KIAA1549L: variants seen among roughly 807,000 people sequenced by gnomAD.
KIAA1549L encodes KIAA1549 like, also known as UPF0606 protein KIAA1549L.
A neutral mutation model predicts 160.7 loss-of-function variants in KIAA1549L; 88 were observed. The ratio of observed to expected loss-of-function variants is 0.55; its 90% CI spans 0.46 to 0.65. The LOEUF is 0.65. Among genes scored for constraint, KIAA1549L ranks in the 30% least tolerant of loss-of-function variants. The pLI, the probability that KIAA1549L is intolerant of heterozygous loss-of-function variation, is 0.00. For missense variants in KIAA1549L, 2,258 were observed against 2,437.5 expected (o/e 0.93, Z 1.55); for synonymous variants, 950 against 976.7 (o/e 0.97, Z 0.51).
intron 1 of KIAA1549L, among the ~76,000 whole-genome samples, chr11:33,454,070 T>C (rs1217134599): frequency 6.6e-6 from 1 of 152,190 alleles, no homozygotes; most frequent in African/African-American, 2.4e-5. Flanking sequence ...AAGCATGCGA[T>C]CCCTTTCAGC....
intron 1 of KIAA1549L, among the ~76,000 whole-genome samples, chr11:33,457,957 C>T (rs1161496548): frequency 6.6e-6 from 1 of 152,188 alleles, no homozygotes; most frequent in Non-Finnish European, 1.5e-5. Flanking sequence ...GCTCTGGATA[C>T]CCAGGACCCG....
chr11:33,411,818 A>G (rs570572079), intron 1 of KIAA1549L, among the ~76,000 whole-genome samples: 1 of 152,324 alleles, frequency 6.6e-6, no homozygotes, highest in South Asian at 2.1e-4. Flanking sequence ...TATTTCAAGT[A>G]TCACTGAGAA....
Position 33,543,443 on chromosome 11 carries a change from C to G in KIAA1549L, c.1880C>G (p.Pro627Arg). 1 of 1,614,050 alleles carries G rather than the reference C, an allele frequency of 6.2e-7. No individual in the cohort carries two copies. The highest frequency in any genetic ancestry group is 2.2e-5 in the East Asian group (1 of 44,884). ...TNPLPSGPPLPSILSIQATQT... is the reference protein window; with the variant it reads ...TNPLPSGPPLRSILSIQATQT... Reference sequence around the variant, plus strand: ...CCCCTTCCTTCAGGACCACCTCTACCTTCCATACTCTCCATACAAGCCACC... The same window carrying G: ...CCCCTTCCTTCAGGACCACCTCTACGTTCCATACTCTCCATACAAGCCACC... The change falls in exon 2 of 21, where the codon CCT becomes CGT. Residue 627 changes from proline (P) to arginine (R), a missense_variant. Physicochemically the swap from Pro to Arg is moderately radical, Grantham distance 103. Coordinates refer to ENST00000658780, the MANE Select transcript of KIAA1549L (RefSeq NM_012194.3).
At chr11:33,563,384 G>A (rs1854939429) in intron 8 of KIAA1549L, among the ~76,000 whole-genome samples, 1 of 151,348 alleles carries the variant, frequency 6.6e-6, no homozygotes, top group Admixed American at 6.6e-5. Flanking sequence ...GGAAGTGGGG[G>A]GACACACGTC....
At chr11:33,667,031 TATGA>T (rs920126942) in intron 20 of KIAA1549L, among the ~76,000 whole-genome samples, 4 of 152,194 alleles carry the variant, frequency 2.6e-5, no homozygotes, top group African/African-American at 9.7e-5. Flanking sequence ...ATTGTACTTA[TATGA>T]ATAAGGTAAC....
chr11:33,417,187 A>G (rs1240448550), intron 1 of KIAA1549L, among the ~76,000 whole-genome samples: 1 of 152,170 alleles, frequency 6.6e-6, no homozygotes, highest in Non-Finnish European at 1.5e-5. Flanking sequence ...TGGCACATAC[A>G]ACATCGGACA....
chr11:33,647,968 A>G (rs1463688305), intron 17 of KIAA1549L, among the ~76,000 whole-genome samples: 2 of 152,052 alleles, frequency 1.3e-5, no homozygotes, highest in African/African-American at 4.8e-5. Flanking sequence ...GAGATGGGTC[A>G]TCAAACCAGA....
chr11:33,508,802 AAG>A (rs1165990479), intron 1 of KIAA1549L, among the ~76,000 whole-genome samples: 17 of 152,294 alleles, frequency 1.1e-4, no homozygotes, highest in African/African-American at 4.1e-4. Flanking sequence ...ATCATGTTTG[AAG>A]AGAGTGGAAG....
intron 1 of KIAA1549L, among the ~76,000 whole-genome samples, chr11:33,427,096 C>G (rs1477892127): frequency 6.6e-6 from 1 of 152,198 alleles, no homozygotes; most frequent in Admixed American, 6.5e-5. Flanking sequence ...GCTCATTAGT[C>G]TCATCAGTTT....
intron 8 of KIAA1549L, among the ~76,000 whole-genome samples, chr11:33,566,765 T>C (rs1268922292): frequency 6.6e-6 from 1 of 152,214 alleles, no homozygotes; most frequent in Non-Finnish European, 1.5e-5. Flanking sequence ...ATGCCATAAC[T>C]GCAATGCGTT....
rs80025078 is a variant in KIAA1549L, at chr11:33,515,631, G to C, written c.239-26171G>C. Among the ~76,000 whole-genome samples the C allele has an allele frequency of 7.2e-3, 1,096 of 152,324 alleles. 7 individuals are homozygous for C. The highest frequency in any genetic ancestry group is 0.011 in the Non-Finnish European group (780 of 68,028). ...TCTTTGATTCATCAGGTGTGGAAATGGTTACTTTGCATAGCAACTGCAGCG... is the reference window on the plus strand; with the variant it reads ...TCTTTGATTCATCAGGTGTGGAAATCGTTACTTTGCATAGCAACTGCAGCG... On this transcript the variant is annotated intron_variant, in intron 1 of 20. Transcript: ENST00000658780.
At chr11:33,530,995 A>G (rs1040530319) in intron 1 of KIAA1549L, among the ~76,000 whole-genome samples, 1 of 152,188 alleles carries the variant, frequency 6.6e-6, no homozygotes, top group African/African-American at 2.4e-5. Flanking sequence ...CTGGAAATAA[A>G]ATTTACCACA....
chr11:33,657,746 G>A (rs374271051), intron 18 of KIAA1549L, among the ~76,000 whole-genome samples: 6 of 152,300 alleles, frequency 3.9e-5, no homozygotes, highest in Non-Finnish European at 5.9e-5. Context: ...GCAGTGAGCC[G>A]AGGTGGTGCC....
chr11:33,663,616 A>G (rs944951978), intron 20 of KIAA1549L, among the ~76,000 whole-genome samples: 1 of 152,162 alleles, frequency 6.6e-6, no homozygotes, highest in African/African-American at 2.4e-5. Context: ...CAGCAAGTAC[A>G]GTTAGCTGAA....
intron 1 of KIAA1549L, among the ~76,000 whole-genome samples, chr11:33,460,383 C>T (rs1022974806): frequency 8.5e-5 from 13 of 152,300 alleles, no homozygotes; most frequent in African/African-American, 3.1e-4. Context: ...TAGTGCAGCC[C>T]AAGTCTGCTG....
intron 16 of KIAA1549L, among the ~76,000 whole-genome samples, chr11:33,624,227 G>A (rs1250693679): frequency 1.3e-5 from 2 of 152,226 alleles, no homozygotes; most frequent in Non-Finnish European, 2.9e-5. Flanking sequence ...GTCATTGGAT[G>A]TCCTTGGGTG....
chr11:33,633,393 G>T (rs1010393417), intron 16 of KIAA1549L, among the ~76,000 whole-genome samples: 2 of 152,042 alleles, frequency 1.3e-5, no homozygotes, highest in African/African-American at 4.8e-5. Flanking sequence ...GGGAAGTCCA[G>T]GCTACAGTCA....
intron 1 of KIAA1549L, among the ~76,000 whole-genome samples, chr11:33,509,191 T>C (rs1244801918): frequency 6.6e-6 from 1 of 152,228 alleles, no homozygotes; most frequent in Admixed American, 6.5e-5. Context: ...ACAGCTCTCC[T>C]TTCTTATCTT....
intron 16 of KIAA1549L, among the ~76,000 whole-genome samples, chr11:33,638,993 G>A (rs897394207): frequency 1.3e-5 from 2 of 152,058 alleles, no homozygotes; most frequent in African/African-American, 4.8e-5. Flanking sequence ...TCATTTGTAG[G>A]AACTATTTAT....
Sources: gnomAD v4.1 joint callset for allele counts (sites outside exome capture counted in the v4.1 genomes callset) on GRCh38, gnomAD v4.1.1 for gene constraint, MANE v1.5 for transcripts, NCBI Gene and HGNC (gene_info 2026-07-23, HGNC 2026-07-21) for gene names.